The following GOSR1 variants were observed in gnomAD, a reference collection of about 807,000 sequenced individuals.
The protein encoded by GOSR1 is golgi SNAP receptor complex member 1.
Under a neutral mutation model 35.5 loss-of-function variants are expected in GOSR1, and 21 were observed. The observed-to-expected ratio is 0.59, with a 90% confidence interval of 0.42 to 0.85. GOSR1 has a LOEUF of 0.85. GOSR1 is among the 40% of genes least tolerant of loss of function. GOSR1 has a pLI of 0.00. For missense variants in GOSR1, 285 were observed against 309.6 expected (o/e 0.92, Z 0.60); for synonymous variants, 94 against 106.6 (o/e 0.88, Z 0.73).
intron 6 of GOSR1, among the ~76,000 whole-genome samples, chr17:30,499,499 G>A (rs1359401716): frequency 3.3e-5 from 5 of 152,022 alleles, no homozygotes; most frequent in South Asian, 2.1e-4. Flanking sequence ...ATGCCACCAC[G>A]CCCAGCTAAT....
chr17:30,477,686 G>T lies in GOSR1; in HGVS notation c.31+222G>T, dbSNP rs919559909. 7 of 985,374 alleles carry T rather than the reference G, an allele frequency of 7.1e-6. No individual in the cohort carries two copies. The East Asian group carries it at 7.9e-4, about 112-fold the overall frequency. The allele number at this position is 985,374 out of a possible 1,614,324, so 61.0% of individuals were successfully genotyped here. On this transcript the variant is annotated intron_variant, in intron 1 of 8. Coordinates refer to ENST00000451249, the MANE Select transcript of GOSR1 (RefSeq NM_001007025.2). ...CGTGTGAGCGGGACGTGGGGCAGGG[G>T]TTGGGCAGAGTGGACAGAGCGGGGA...
In GOSR1 at chr17:30,481,124, T is replaced by C. The variant is rs756784314; in HGVS notation, c.32-19T>C. 1.3e-6 allele frequency: 2 copies of C among 1,521,568 alleles called. No individual in the cohort carries two copies. Among genetic ancestry groups the C allele is most frequent in the South Asian group, 2.2e-5 (2 of 89,184 alleles). 94.3% of individuals were successfully genotyped at this position (1,521,568 alleles called of 1,614,324 possible). ...CTACTTTTTATGTCTAATTATTTGT[T>C]GTTATAATTTTGTTAAAGATCTCAG... On this transcript the variant is annotated intron_variant, in intron 1 of 8. Transcript: ENST00000451249.
intron 6 of GOSR1, among the ~76,000 whole-genome samples, chr17:30,507,596 A>C (rs1039754324): frequency 3.9e-5 from 6 of 152,102 alleles, no homozygotes; most frequent in Admixed American, 3.9e-4. Context: ...GGTGGTACAC[A>C]CTTGTAATCC....
intron 7 of GOSR1, 166 bp from the exon 8 acceptor site, chr17:30,519,773 C>T (rs139342538): frequency 0.017 from 9,204 of 551,756 alleles, 118 homozygotes; most frequent in Middle Eastern, 0.043. Flanking sequence ...TTGGAAAAAG[C>T]GCAGTGGTAA....
At chr17:30,498,469 C>G (rs1394392205) in intron 6 of GOSR1, among the ~76,000 whole-genome samples, 1 of 152,066 alleles carries the variant, frequency 6.6e-6, no homozygotes, top group Non-Finnish European at 1.5e-5. Context: ...TGTGCGTACC[C>G]TAGAGGAGCA....
chr17:30,507,382 C>G (rs1429332096), intron 6 of GOSR1, among the ~76,000 whole-genome samples: 1 of 152,184 alleles, frequency 6.6e-6, no homozygotes, highest in African/African-American at 2.4e-5. Flanking sequence ...GAGAAAATAA[C>G]TGCGGATGTG....
At chr17:30,508,536 G>T (rs1264157653) in intron 6 of GOSR1, among the ~76,000 whole-genome samples, 2 of 152,150 alleles carry the variant, frequency 1.3e-5, no homozygotes, top group African/African-American at 4.8e-5. Context: ...TAAGATCTTG[G>T]CAGGTTAGTG....
At chr17:30,500,189 GT>G (rs1477269830) in intron 6 of GOSR1, among the ~76,000 whole-genome samples, 1 of 152,068 alleles carries the variant, frequency 6.6e-6, no homozygotes, top group Non-Finnish European at 1.5e-5. Flanking sequence ...ATGAAATCTG[GT>G]TGATCAGTTT....
At chr17:30,518,765 G>T (rs1967913225) in intron 7 of GOSR1, among the ~76,000 whole-genome samples, 1 of 151,666 alleles carries the variant, frequency 6.6e-6, no homozygotes, top group South Asian at 2.1e-4. Context: ...CCCATCTCTA[G>T]AAATAATTTA....
At chr17:30,501,653 A>T (rs1967211886) in intron 6 of GOSR1, among the ~76,000 whole-genome samples, 1 of 151,778 alleles carries the variant, frequency 6.6e-6, no homozygotes, top group Non-Finnish European at 1.5e-5. Context: ...GTGCCACCAC[A>T]CCCGGCTAAT....
chr17:30,522,715 AC>A lies in GOSR1; in HGVS notation c.*338del, dbSNP rs1202122974. 1 of 172,062 alleles carries A rather than the reference AC, an allele frequency of 5.8e-6. No individual in the cohort carries two copies. The highest frequency in any genetic ancestry group is 2.4e-5 in the African/African-American group (1 of 42,202). 10.7% of individuals were successfully genotyped at this position (172,062 alleles called of 1,614,324 possible). ...GAAGCCTAATGACAAGCCAGGTCTTACAGCTGGGCTCTTCAGAAAACCAGGT... is the reference window on the plus strand; with the variant it reads ...GAAGCCTAATGACAAGCCAGGTCTTAAGCTGGGCTCTTCAGAAAACCAGGT... On this transcript the variant is annotated 3_prime_UTR_variant, in exon 9 of 9. Coordinates refer to ENST00000451249, the MANE Select transcript of GOSR1 (RefSeq NM_001007025.2).
chr17:30,512,230 T>C (rs1567913954), intron 7 of GOSR1, among the ~76,000 whole-genome samples: 1 of 152,250 alleles, frequency 6.6e-6, no homozygotes, highest in Non-Finnish European at 1.5e-5. Flanking sequence ...TTGATGATAA[T>C]ACTTATCTGT....
rs1350453637 is a variant in GOSR1, at chr17:30,481,094, T to G, written c.32-49T>G. On this transcript the variant is annotated intron_variant, in intron 1 of 8. Transcript: ENST00000451249. The stretch of plus-strand genomic sequence containing the variant: ...TTCTTTAGAATGGTGCTGTGATTTT[T>G]GTGTCTACTTTTTATGTCTAATTAT... 10 of 1,231,488 alleles carry G rather than the reference T, an allele frequency of 8.1e-6. No homozygotes were observed. The African/African-American group carries it at 1.5e-4, about 18-fold the overall frequency. 76.3% of individuals were successfully genotyped at this position (1,231,488 alleles called of 1,614,324 possible).
chr17:30,484,638 TTG>T, intron 3 of GOSR1, 23 bp from the exon 4 acceptor site: 2 of 1,204,252 alleles, frequency 1.7e-6, no homozygotes, highest in Non-Finnish European at 2.3e-6. Flanking sequence ...AATATTTTGA[TTG>T]TTTTTTTTTT....
chr17:30,507,764 G>C (rs1224789047), intron 6 of GOSR1, among the ~76,000 whole-genome samples: 2 of 150,642 alleles, frequency 1.3e-5, no homozygotes, highest in East Asian at 3.9e-4. Context: ...GGAGCCTGAA[G>C]ATGTGACTGA....
At chr17:30,477,733 A>G (rs1278811461) in intron 1 of GOSR1, 1 of 985,088 alleles carries the variant, frequency 1.0e-6, no homozygotes, top group Non-Finnish European at 1.2e-6. Flanking sequence ...AGGGCTCTCA[A>G]TCGCCTGGGT....
At chr17:30,479,980 T>C (rs1914230893) in intron 1 of GOSR1, 1 of 152,090 alleles carries the variant, frequency 6.6e-6, no homozygotes, top group Admixed American at 6.6e-5. Flanking sequence ...AAGGCAATTT[T>C]TGTGGTAACT....
intron 6 of GOSR1, among the ~76,000 whole-genome samples, chr17:30,507,703 A>G (rs903040262): frequency 6.8e-5 from 10 of 147,894 alleles, no homozygotes; most frequent in Non-Finnish European, 1.2e-4. Context: ...AGCCAGGGCG[A>G]CACAGCAAGA....
At chr17:30,484,429 C>T (rs988632195) in intron 3 of GOSR1, 128 bp downstream of exon 3, 11 of 699,758 alleles carry the variant, frequency 1.6e-5, no homozygotes, top group Non-Finnish European at 2.9e-5. Flanking sequence ...TACCTCCCCA[C>T]ACCACTTGAA....
Sources: allele counts gnomAD v4.1 joint callset (sites outside exome capture counted in the v4.1 genomes callset), GRCh38; gene constraint gnomAD v4.1.1; transcripts MANE v1.5; gene names NCBI Gene and HGNC (gene_info 2026-07-23, HGNC 2026-07-21).